PARD3B: variants seen among roughly 807,000 people sequenced by gnomAD.
PARD3B encodes partitioning defective 3 homolog B.
A neutral mutation model predicts 130.2 loss-of-function variants in PARD3B; 103 were observed. That is an observed-to-expected ratio of 0.79 (90% CI 0.67 to 0.93). The LOEUF (loss-of-function observed/expected upper bound fraction) is 0.93. Ranked by LOEUF, PARD3B falls within the 40% of genes least tolerant of loss-of-function variation. PARD3B has a pLI of 0.00. For synonymous variants in PARD3B, 583 were observed against 553.2 expected (o/e 1.05, Z -0.76); for missense variants, 1,609 against 1,499.2 (o/e 1.07, Z -1.21).
chr2:204,800,409 G>C (rs1388181758), intron 2 of PARD3B, among the ~76,000 whole-genome samples: 4 of 152,002 alleles, frequency 2.6e-5, no homozygotes, highest in Non-Finnish European at 5.9e-5. Context: ...ATTTAAGTTA[G>C]TGGCCTCAAA....
intron 20 of PARD3B, among the ~76,000 whole-genome samples, chr2:205,457,703 T>G (rs978295866): frequency 1.3e-5 from 2 of 152,142 alleles, no homozygotes; most frequent in Non-Finnish European, 2.9e-5. Context: ...GATTTTTTTC[T>G]TCTTTTAATA....
Position 205,405,093 on chromosome 2 carries a change from TTATC to T in PARD3B, c.2741+3974_2741+3977del, listed in dbSNP as rs2046374823. Among the ~76,000 whole-genome samples, 4 of 152,170 alleles carry T rather than the reference TTATC, an allele frequency of 2.6e-5. No homozygotes were observed. The highest frequency in any genetic ancestry group is 2.6e-4 in the Admixed American group (4 of 15,276). ...CATTTTGCTGCTATATATGGATAGT[TTATC>T]TATAGCTACATGTACTGAAAAAGTC... On this transcript the variant is annotated intron_variant, in intron 19 of 22. Coordinates refer to ENST00000406610, the MANE Select transcript of PARD3B (RefSeq NM_001302769.2). The surrounding 1 kb of genome is among the most constrained non-coding windows in gnomAD (Gnocchi z 4.1).
chr2:205,010,965 A>G (rs1035790944), intron 3 of PARD3B, among the ~76,000 whole-genome samples: 3 of 151,968 alleles, frequency 2.0e-5, no homozygotes, highest in African/African-American at 7.3e-5. Context: ...TTCCTCATTT[A>G]TCTGTTATCC....
chr2:205,603,307 CA>C (rs1188447143), intron 22 of PARD3B, among the ~76,000 whole-genome samples: 1 of 152,016 alleles, frequency 6.6e-6, no homozygotes, highest in Non-Finnish European at 1.5e-5. Flanking sequence ...CATGTGTCAC[CA>C]AAAAGAATGT....
chr2:205,258,442 C>T lies in PARD3B; in HGVS notation c.2185+12620C>T, dbSNP rs1162865676. On this transcript the variant is annotated intron_variant, in intron 16 of 22. Coordinates refer to ENST00000406610, the MANE Select transcript of PARD3B (RefSeq NM_001302769.2). The surrounding 1 kb of genome is among the most constrained non-coding windows in gnomAD (Gnocchi z 4.9). ...GTGACCACCCTATCTAAAATAGTCA[C>T]CCAACAAGAAGCCAGTTTCTCTCAC... 6.6e-6 allele frequency among the ~76,000 whole-genome samples: 1 copy of T among 152,202 alleles called. No homozygotes were observed. Among genetic ancestry groups the T allele is most frequent in the African/African-American group, 2.4e-5 (1 of 41,468 alleles).
At chr2:204,910,936 C>G (rs1200015137) in intron 2 of PARD3B, among the ~76,000 whole-genome samples, 1 of 152,160 alleles carries the variant, frequency 6.6e-6, no homozygotes, top group African/African-American at 2.4e-5. Flanking sequence ...GACACCGCGC[C>G]CGGCCAAGAT....
intron 18 of PARD3B, among the ~76,000 whole-genome samples, chr2:205,337,805 C>T (rs575715891): frequency 6.6e-6 from 1 of 152,040 alleles, no homozygotes; most frequent in African/African-American, 2.4e-5. Flanking sequence ...CATTTTAGTT[C>T]ATTTATTTTA....
At chr2:204,845,297 A>G (rs1470160886) in intron 2 of PARD3B, among the ~76,000 whole-genome samples, 3 of 152,194 alleles carry the variant, frequency 2.0e-5, no homozygotes, top group African/African-American at 7.2e-5. Context: ...GCATATTCTG[A>G]TAATTTAGGA....
chr2:205,502,104 T>C (rs1222459769), intron 21 of PARD3B, among the ~76,000 whole-genome samples: 1 of 152,104 alleles, frequency 6.6e-6, no homozygotes, highest in African/African-American at 2.4e-5. Context: ...TCCTTTCCTC[T>C]CCTCTCCCCA....
intron 4 of PARD3B, among the ~76,000 whole-genome samples, chr2:205,059,624 T>C (rs952259742): frequency 1.3e-5 from 2 of 151,996 alleles, no homozygotes; most frequent in Non-Finnish European, 2.9e-5. Flanking sequence ...TTTCTGCATA[T>C]GTCTCCTTTA....
intron 14 of PARD3B, among the ~76,000 whole-genome samples, chr2:205,188,555 A>G (rs1475993153): frequency 1.3e-5 from 2 of 152,182 alleles, no homozygotes; most frequent in African/African-American, 2.4e-5. Context: ...GATCAGAAGC[A>G]TGGGTGGAGA....
At chr2:204,997,370 G>A (rs949404411) in intron 3 of PARD3B, among the ~76,000 whole-genome samples, 1 of 152,192 alleles carries the variant, frequency 6.6e-6, no homozygotes, top group Non-Finnish European at 1.5e-5. Flanking sequence ...GTCTTCACAT[G>A]AATGAACATG....
intron 10 of PARD3B, among the ~76,000 whole-genome samples, chr2:205,157,081 G>A (rs2034217918): frequency 1.3e-5 from 2 of 152,100 alleles, no homozygotes; most frequent in Admixed American, 6.6e-5. Context: ...CTCTTGAAAT[G>A]GTGTTCACAA....
At chr2:205,554,503 C>T (rs1417983818) in intron 22 of PARD3B, among the ~76,000 whole-genome samples, 1 of 152,148 alleles carries the variant, frequency 6.6e-6, no homozygotes. Flanking sequence ...TATTTTAAAA[C>T]TTTTATAAAG....
chr2:204,618,738 T>C (rs1049781060), intron 1 of PARD3B, among the ~76,000 whole-genome samples: 7 of 152,206 alleles, frequency 4.6e-5, no homozygotes, highest in African/African-American at 1.4e-4. Flanking sequence ...AAAGGACTTA[T>C]GAAATAAGTA....
chr2:205,438,220 A>G (rs540307325), intron 19 of PARD3B, among the ~76,000 whole-genome samples: 27 of 152,338 alleles, frequency 1.8e-4, no homozygotes, highest in African/African-American at 5.8e-4. Flanking sequence ...ATTGCTTGGC[A>G]CAGACGTAGT....
chr2:204,989,817 CT>C (rs1553580875), intron 3 of PARD3B, among the ~76,000 whole-genome samples: 1 of 151,830 alleles, frequency 6.6e-6, no homozygotes, highest in Non-Finnish European at 1.5e-5. Flanking sequence ...GTATAGTTTC[CT>C]TTTTTAAAAA....
At chr2:204,682,483 A>T (rs1032069027) in intron 1 of PARD3B, among the ~76,000 whole-genome samples, 1 of 152,164 alleles carries the variant, frequency 6.6e-6, no homozygotes, top group Non-Finnish European at 1.5e-5. Flanking sequence ...GATATGTGCC[A>T]CCAAATTCAT....
In PARD3B at chr2:205,433,659, T is replaced by C. The variant is rs566892380; in HGVS notation, c.2742-6711T>C. Reference sequence around the variant, plus strand: ...GAATGTATGTCAAATTACAGAACATTTCTAGCACCCATGGATGTTCCCTCA... The same window carrying C: ...GAATGTATGTCAAATTACAGAACATCTCTAGCACCCATGGATGTTCCCTCA... On this transcript the variant is annotated intron_variant, in intron 19 of 22. Coordinates refer to ENST00000406610, the MANE Select transcript of PARD3B (RefSeq NM_001302769.2). 2.6e-5 allele frequency among the ~76,000 whole-genome samples: 4 copies of C among 152,306 alleles called. No homozygotes were observed. In the South Asian group the frequency reaches 8.3e-4, roughly 32 times the overall value.
Sources: allele counts gnomAD v4.1 joint callset (sites outside exome capture counted in the v4.1 genomes callset), GRCh38; gene constraint gnomAD v4.1.1; non-coding constraint Gnocchi (gnomAD v3.1); transcripts MANE v1.5; gene names NCBI Gene and HGNC (gene_info 2026-07-23, HGNC 2026-07-21).